Variants in GALNT10 observed in about 807,000 individuals in gnomAD.
The protein encoded by GALNT10 is GalNAc transferase 10.
A neutral mutation model predicts 75.0 loss-of-function variants in GALNT10; 41 were observed. The ratio of observed to expected loss-of-function variants is 0.55; its 90% CI spans 0.43 to 0.71. The LOEUF is 0.71. Ranked by LOEUF, GALNT10 falls within the 30% of genes least tolerant of loss-of-function variation. The pLI is 0.00. For missense variants in GALNT10, 727 were observed against 818.5 expected (o/e 0.89, Z 1.36); for synonymous variants, 302 against 313.0 (o/e 0.96, Z 0.37).
At chr5:154,320,379 G>T (rs534003159) in intron 3 of GALNT10, among the ~76,000 whole-genome samples, 5 of 152,168 alleles carry the variant, frequency 3.3e-5, no homozygotes, top group African/African-American at 1.2e-4. Flanking sequence ...TGTGGGGCCC[G>T]GCTCTGGGCC....
chr5:154,368,612 T>A (rs1229136888), intron 4 of GALNT10, among the ~76,000 whole-genome samples: 6 of 152,202 alleles, frequency 3.9e-5, no homozygotes, highest in Admixed American at 1.3e-4. Context: ...TCCTTTCAGC[T>A]CTGCCACTCT....
chr5:154,210,180 C>T (rs1248473574), intron 1 of GALNT10, among the ~76,000 whole-genome samples: 1 of 152,120 alleles, frequency 6.6e-6, no homozygotes, highest in African/African-American at 2.4e-5. Flanking sequence ...AAAGACTAAA[C>T]TCCACCCCTG....
At chr5:154,377,603 G>C (rs533912222) in intron 5 of GALNT10, among the ~76,000 whole-genome samples, 13 of 152,292 alleles carry the variant, frequency 8.5e-5, no homozygotes, top group African/African-American at 2.9e-4. Context: ...ACTTTGAGAA[G>C]CACTGGTTAG....
chr5:154,246,541 C>G (rs1375576797), intron 1 of GALNT10, among the ~76,000 whole-genome samples: 2 of 152,212 alleles, frequency 1.3e-5, no homozygotes. Context: ...GTTTTGATTT[C>G]CATTTCTCTG....
At chr5:154,383,388 C>T (rs1173585878) in intron 6 of GALNT10, among the ~76,000 whole-genome samples, 5 of 152,200 alleles carry the variant, frequency 3.3e-5, no homozygotes, top group Non-Finnish European at 7.4e-5. Flanking sequence ...GATTATTTAA[C>T]ATTTCTGATT....
chr5:154,366,799 G>C (rs923811502), intron 4 of GALNT10, among the ~76,000 whole-genome samples: 2 of 152,200 alleles, frequency 1.3e-5, no homozygotes, highest in African/African-American at 4.8e-5. Flanking sequence ...GGTAAGCAAT[G>C]CAATGATAGT....
intron 1 of GALNT10, among the ~76,000 whole-genome samples, chr5:154,278,056 A>G (rs1165080699): frequency 6.6e-6 from 1 of 152,260 alleles, no homozygotes; most frequent in Non-Finnish European, 1.5e-5. Context: ...GAATGAGTGG[A>G]CCAGATGGGT....
Position 154,419,111 on chromosome 5 carries a change from G to A in GALNT10, c.*2139G>A, listed in dbSNP as rs1756578452. Reference sequence around the variant, plus strand: ...GGGAACGTTTTTGGTGGTGTGTGCAGTTCCTACTGGATGAGTGTGTGTTTC... The same window carrying A: ...GGGAACGTTTTTGGTGGTGTGTGCAATTCCTACTGGATGAGTGTGTGTTTC... On this transcript the variant is annotated 3_prime_UTR_variant, in exon 12 of 12. Coordinates refer to ENST00000297107, the MANE Select transcript of GALNT10 (RefSeq NM_198321.4). The A allele has an allele frequency of 2.6e-5, 4 of 152,272 alleles. No individual in the cohort carries two copies. The highest frequency in any genetic ancestry group is 2.6e-4 in the Admixed American group (4 of 15,246). The allele number at this position is 152,272 out of a possible 1,614,324, so 9.4% of individuals were successfully genotyped here. A position where few individuals can be genotyped will look rare whatever the true frequency, so the allele number is the denominator to read the frequency against.
intron 3 of GALNT10, among the ~76,000 whole-genome samples, chr5:154,319,896 G>A (rs1389704973): frequency 1.3e-5 from 2 of 152,158 alleles, no homozygotes; most frequent in East Asian, 1.9e-4. Context: ...CTTCTGTGTC[G>A]TCCCCAGGTC....
intron 1 of GALNT10, among the ~76,000 whole-genome samples, chr5:154,196,373 A>G (rs766424487): frequency 5.3e-5 from 8 of 152,208 alleles, no homozygotes; most frequent in Non-Finnish European, 1.2e-4. Flanking sequence ...ACCACCTCAG[A>G]TTCTCTATCA....
At chr5:154,337,020 G>A (rs1251303114) in intron 4 of GALNT10, among the ~76,000 whole-genome samples, 2 of 152,150 alleles carry the variant, frequency 1.3e-5, no homozygotes, top group Non-Finnish European at 2.9e-5. Flanking sequence ...ACAGAGCTTT[G>A]ATTTAAAACC....
In GALNT10 at chr5:154,294,821, A is replaced by G; in HGVS notation, c.165A>G (p.Ser55=). ...AAVAPAAGQG[S]HSRQKKTFFL... ...AGTTTTTGTCTTTTTTTAAGGGCTC[A>G]CACAGTCGACAAAAGAAAACGTTTT... The change falls in exon 2 of 12, where the codon TCA becomes TCG. Residue 55 remains serine (S), a synonymous_variant. Transcript: ENST00000297107. The G allele has an allele frequency of 1.3e-6, 2 of 1,566,838 alleles. No individual in the cohort carries two copies. Among genetic ancestry groups the G allele is most frequent in the South Asian group, 1.1e-5 (1 of 90,070 alleles).
intron 1 of GALNT10, among the ~76,000 whole-genome samples, chr5:154,280,486 C>T (rs1754024581): frequency 1.3e-5 from 2 of 152,276 alleles, no homozygotes; most frequent in South Asian, 4.2e-4. Context: ...GATCATTATA[C>T]ATTATATGCA....
rs192636988 is a variant in GALNT10 at position 154,292,315 on chromosome 5, C to A, written c.160-2501C>A. The stretch of plus-strand genomic sequence containing the variant: ...CTGCTTCTAGAGGTCTAGGGTAAGA[C>A]CCTGGGAATTTGCATTTCTGGCAAG... On this transcript the variant is annotated intron_variant, in intron 1 of 11. Coordinates refer to ENST00000297107, the MANE Select transcript of GALNT10 (RefSeq NM_198321.4). Among the ~76,000 whole-genome samples the A allele has an allele frequency of 9.2e-5, 14 of 152,310 alleles. No individual in the cohort carries two copies. The East Asian group carries it at 2.7e-3, about 29-fold the overall frequency.
chr5:154,268,303 G>T (rs1753807552), intron 1 of GALNT10, among the ~76,000 whole-genome samples: 1 of 152,122 alleles, frequency 6.6e-6, no homozygotes, highest in Admixed American at 6.5e-5. Context: ...GTGTTAGAGG[G>T]TCAACCCACT....
chr5:154,289,911 G>A (rs1331636782), intron 1 of GALNT10, among the ~76,000 whole-genome samples: 1 of 152,160 alleles, frequency 6.6e-6, no homozygotes, highest in African/African-American at 2.4e-5. Flanking sequence ...TTTGTACAGA[G>A]TAGGTGTCAG....
rs150038794 is a variant in GALNT10 at position 154,373,899 on chromosome 5, C to T, written c.569-2378C>T. On this transcript the variant is annotated intron_variant, in intron 4 of 11. Transcript: ENST00000297107. ...ATTTAGCGATGGGGCTTTGCCCAAG[C>T]AGGGGCCTCAATGATTAGAGCCGGC... Among the ~76,000 whole-genome samples the T allele has an allele frequency of 3.0e-3, 452 of 152,278 alleles. 7 individuals are homozygous for T. Among genetic ancestry groups the T allele is most frequent in the African/African-American group, 0.01 (428 of 41,560 alleles).
chr5:154,351,359 T>C lies in GALNT10; in HGVS notation c.568+21621T>C, dbSNP rs1755202380. Among the ~76,000 whole-genome samples, 3 of 152,330 alleles carry C rather than the reference T, an allele frequency of 2.0e-5. 1 individual carries two copies. The South Asian group carries it at 6.2e-4, about 32-fold the overall frequency. On this transcript the variant is annotated intron_variant, in intron 4 of 11. Coordinates refer to ENST00000297107, the MANE Select transcript of GALNT10 (RefSeq NM_198321.4). ...TAGTGTGCAGCCTTGTGTCCACTCA[T>C]CTGGAGCTCACCTGGGGCTCACCTA...
At chr5:154,207,286 G>A (rs1313500619) in intron 1 of GALNT10, among the ~76,000 whole-genome samples, 2 of 152,212 alleles carry the variant, frequency 1.3e-5, no homozygotes. Flanking sequence ...AGCCTTCCAG[G>A]TCAGGTCCTG....
Sources: allele counts gnomAD v4.1 joint callset (sites outside exome capture counted in the v4.1 genomes callset), GRCh38; gene constraint gnomAD v4.1.1; transcripts MANE v1.5; gene names NCBI Gene and HGNC (gene_info 2026-07-23, HGNC 2026-07-21).